GGTA1: variants seen among roughly 807,000 people sequenced by gnomAD.
The protein encoded by GGTA1 is inactive N-acetyllactosaminide alpha-1,3-galactosyltransferase.
GGTA1 carries 5 observed loss-of-function variants against 2.6 expected under a neutral mutation model. The observed-to-expected ratio is 1.92, with a 90% CI of 1.00 to 4.04. The LOEUF is 4.04. Among genes scored for constraint, GGTA1 ranks in the 30% most tolerant of loss-of-function variants. The pLI, the probability that GGTA1 is intolerant of heterozygous loss-of-function variation, is 0.00. For missense variants in GGTA1, 50 were observed against 16.7 expected (o/e 2.99, Z -3.47); for synonymous variants, 17 against 5.0 (o/e 3.38, Z -3.19).
At chr9:121,483,632 C>T (rs991320991) in intron 1 of GGTA1, among the ~76,000 whole-genome samples, 21 of 152,122 alleles carry the variant, frequency 1.4e-4, no homozygotes, top group Admixed American at 9.2e-4. Context: ...CATTACAGCC[C>T]GAACAGCCCA....
intron 1 of GGTA1, among the ~76,000 whole-genome samples, chr9:121,473,380 C>T (rs1828436207): frequency 6.6e-6 from 1 of 151,546 alleles, no homozygotes; most frequent in Non-Finnish European, 1.5e-5. Flanking sequence ...AATTTTGCAT[C>T]CTTCAGCAAA....
intron 1 of GGTA1, among the ~76,000 whole-genome samples, chr9:121,478,397 C>G (rs1828560480): frequency 6.6e-6 from 1 of 152,200 alleles, no homozygotes; most frequent in African/African-American, 2.4e-5. Flanking sequence ...GGAAACTGAG[C>G]TTTAGCAAAG....
In GGTA1 at chr9:121,459,247, A is replaced by C. The variant is rs536076699; in HGVS notation, c.298+857T>G. Among the ~76,000 whole-genome samples, 6 of 152,266 alleles carry C rather than the reference A, an allele frequency of 3.9e-5. No homozygotes were observed. The South Asian group carries it at 8.3e-4, about 21-fold the overall frequency. On this transcript the variant is annotated intron_variant, in intron 5 of 5. Coordinates refer to ENST00000481799, the MANE Select transcript of GGTA1 (RefSeq NM_001382585.1). ...CAAGGTGGGAGGATCACTTAAGCCCAGGAGTTCAAGAGCAACCTGGACAAC... is the reference window on the plus strand; with the variant it reads ...CAAGGTGGGAGGATCACTTAAGCCCCGGAGTTCAAGAGCAACCTGGACAAC...
downstream of GGTA1, among the ~76,000 whole-genome samples, chr9:121,452,949 A>G (rs2064885872): frequency 6.6e-6 from 1 of 152,108 alleles, no homozygotes; most frequent in East Asian, 1.9e-4. Context: ...CCCCTTCCTA[A>G]GCTACTAGTA....
chr9:121,494,697 G>T (rs12341798), intron 1 of GGTA1: 41,359 of 152,084 alleles, frequency 0.27, 6,094 homozygotes, highest in Middle Eastern at 0.37. Flanking sequence ...GTTGCCTAAG[G>T]AGGGGTAAAC....
intron 7 of GGTA1, among the ~76,000 whole-genome samples, chr9:121,448,476 A>G (rs1406975672): frequency 1.3e-5 from 2 of 152,196 alleles, no homozygotes; most frequent in Non-Finnish European, 2.9e-5. Flanking sequence ...ACCATCATCC[A>G]AAATACTAGT....
At chr9:121,478,878 A>G (rs541506653) in intron 1 of GGTA1, among the ~76,000 whole-genome samples, 1 of 152,308 alleles carries the variant, frequency 6.6e-6, no homozygotes, top group South Asian at 2.1e-4. Flanking sequence ...GAACCAAAGT[A>G]AGATAAATGA....
At chr9:121,493,660 T>C (rs1225447246) in intron 1 of GGTA1, among the ~76,000 whole-genome samples, 1 of 152,012 alleles carries the variant, frequency 6.6e-6, no homozygotes, top group African/African-American at 2.4e-5. Flanking sequence ...AGGATCCATT[T>C]TTTTCTACCC....
chr9:121,453,542 C>G (rs944091141), downstream of GGTA1, among the ~76,000 whole-genome samples: 1 of 152,232 alleles, frequency 6.6e-6, no homozygotes, highest in African/African-American at 2.4e-5. Flanking sequence ...GAGACTGGCA[C>G]AGGTCATTTA....
At chr9:121,493,510 G>C (rs542444987) in intron 1 of GGTA1, among the ~76,000 whole-genome samples, 1 of 152,140 alleles carries the variant, frequency 6.6e-6, no homozygotes, top group African/African-American at 2.4e-5. Context: ...TGAGGCTCAC[G>C]TGAGATGAGT....
chr9:121,482,155 G>A (rs117949444), intron 1 of GGTA1, among the ~76,000 whole-genome samples: 1,810 of 150,724 alleles, frequency 0.012, 20 homozygotes, highest in Non-Finnish European at 0.021. Context: ...AGGGGCTCAG[G>A]GACAATCTGT....
intron 5 of GGTA1, among the ~76,000 whole-genome samples, chr9:121,459,652 C>G (rs1589328107): frequency 6.6e-6 from 1 of 152,162 alleles, no homozygotes; most frequent in Non-Finnish European, 1.5e-5. Flanking sequence ...GTCTCCTCCT[C>G]CAGTCCCCTT....
chr9:121,489,240 C>T (rs1201796373), intron 1 of GGTA1, among the ~76,000 whole-genome samples: 4 of 152,076 alleles, frequency 2.6e-5, no homozygotes, highest in Non-Finnish European at 5.9e-5. Context: ...CACTCTGTTG[C>T]CTAGGCTGAG....
chr9:121,477,573 C>CTTTTTTTT (rs34446366), intron 1 of GGTA1, among the ~76,000 whole-genome samples: 4 of 101,494 alleles, frequency 3.9e-5, no homozygotes, highest in Admixed American at 1.4e-4. Flanking sequence ...TGCAACCTTG[C>CTTTTTTTT]TTTTTTTTTT....
intron 2 of GGTA1, among the ~76,000 whole-genome samples, chr9:121,466,168 C>T (rs2065003900): frequency 1.3e-5 from 2 of 152,196 alleles, no homozygotes; most frequent in South Asian, 4.1e-4. Context: ...AATCTGTCCT[C>T]CTTGGCCTCC....
intron 1 of GGTA1, among the ~76,000 whole-genome samples, chr9:121,484,631 A>G (rs760805759): frequency 6.6e-6 from 1 of 152,234 alleles, no homozygotes; most frequent in Non-Finnish European, 1.5e-5. Flanking sequence ...CCAGACAGAA[A>G]GTTATTTAAG....
At chr9:121,450,918 T>C (rs1217207331), downstream of GGTA1, among the ~76,000 whole-genome samples, 1 of 152,164 alleles carries the variant, frequency 6.6e-6, no homozygotes, top group Non-Finnish European at 1.5e-5. Context: ...AAGGTTATCT[T>C]TGGAGAACTA....
exon 8 of GGTA1, chr9:121,446,022 T>G (rs1339824404): frequency 6.6e-6 from 1 of 152,232 alleles, no homozygotes; most frequent in South Asian, 2.1e-4. Context: ...TTGCAGAGTC[T>G]GGTAGACTGA....
chr9:121,481,996 CAAA>C (rs56016550), intron 1 of GGTA1, among the ~76,000 whole-genome samples: 3 of 129,076 alleles, frequency 2.3e-5, no homozygotes, highest in Non-Finnish European at 1.7e-5. Flanking sequence ...AACTCTGTCT[CAAA>C]AAAAAAAAAA....
Sources: gnomAD v4.1 joint callset for allele counts (sites outside exome capture counted in the v4.1 genomes callset) on GRCh38, gnomAD v4.1.1 for gene constraint, MANE v1.5 for transcripts, NCBI Gene and HGNC (gene_info 2026-07-23, HGNC 2026-07-21) for gene names.